Variants in GRIK3 observed in about 807,000 individuals in gnomAD.
The protein encoded by GRIK3 is glutamate ionotropic receptor kainate type subunit 3.
In GRIK3, 29 loss-of-function variants were observed where a neutral mutation model predicts 102.5. That is an observed-to-expected ratio of 0.28 (90% CI 0.21 to 0.39). The LOEUF (loss-of-function observed/expected upper bound fraction) is 0.39, where lower values mean the gene tolerates loss of function less well. Ranked by LOEUF, GRIK3 falls within the 10% of genes least tolerant of loss-of-function variation. The probability of loss-of-function intolerance (pLI) is 1.00; values close to 1 mark genes in which losing one functional copy is unlikely to be tolerated. For missense variants in GRIK3, 908 were observed against 1,252.4 expected (o/e 0.73, Z 4.15); for synonymous variants, 511 against 504.9 (o/e 1.01, Z -0.16).
chr1:36,841,721 C>A lies in GRIK3; in HGVS notation c.1530+15G>T. ...CCAGGGTCCTGAGCCCTCCCATGCT[C>A]CCATCCATGCTTACGTGGTCGATGA... On this transcript the variant is annotated intron_variant, in intron 10 of 15. Transcript: ENST00000373091. 2 of 1,607,168 alleles carry A rather than the reference C, an allele frequency of 1.2e-6. No individual in the cohort carries two copies. The highest frequency in any genetic ancestry group is 1.7e-6 in the Non-Finnish European group (2 of 1,173,620).
chr1:36,936,630 T>C (rs1245304996), intron 1 of GRIK3, among the ~76,000 whole-genome samples: 1 of 152,198 alleles, frequency 6.6e-6, no homozygotes, highest in Non-Finnish European at 1.5e-5. Flanking sequence ...CCCGGCTTTA[T>C]TAAAGCAGTT....
intron 1 of GRIK3, among the ~76,000 whole-genome samples, chr1:36,927,760 C>G (rs1302057237): frequency 6.6e-6 from 1 of 152,064 alleles, no homozygotes; most frequent in Admixed American, 6.5e-5. Context: ...GACCAAAGGT[C>G]GGTAATAGAT....
intron 5 of GRIK3, among the ~76,000 whole-genome samples, chr1:36,862,009 A>C (rs1014739505): frequency 3.3e-5 from 5 of 152,186 alleles, no homozygotes; most frequent in African/African-American, 1.2e-4. Flanking sequence ...CCTGTGAAGT[A>C]GGCATTGAAT....
intron 13 of GRIK3, among the ~76,000 whole-genome samples, chr1:36,812,717 C>T (rs1039087062): frequency 2.0e-5 from 3 of 151,982 alleles, no homozygotes; most frequent in Non-Finnish European, 2.9e-5. Context: ...CTGCTGTTGT[C>T]GTCTTTGGAC....
rs190238992 is a variant in GRIK3 at position 36,880,068 on chromosome 1, A to G, written c.550+566T>C. Among the ~76,000 whole-genome samples, 1 of 152,262 alleles carries G rather than the reference A, an allele frequency of 6.6e-6. No homozygotes were observed. Among genetic ancestry groups the G allele is most frequent in the East Asian group, 1.9e-4 (1 of 5,182 alleles). On this transcript the variant is annotated intron_variant, in intron 3 of 15. Transcript: ENST00000373091. This position sits in a 1 kb window ranked among gnomAD's most constrained non-coding sequence, Gnocchi z 5.4. ...CAACCTTCAGCGCTCACTGCATGTC[A>G]GTGCTTGTCACTGTCATCTTGTAAT...
chr1:36,802,094 C>T, intron 15 of GRIK3, 49 bp from the exon 16 acceptor site: 1 of 1,370,800 alleles, frequency 7.3e-7, no homozygotes, highest in Non-Finnish European at 1.0e-6. Context: ...CAGAGTGATG[C>T]CCGGTCTTGC....
chr1:36,903,250 A>G (rs1641250481), intron 1 of GRIK3, among the ~76,000 whole-genome samples: 1 of 152,224 alleles, frequency 6.6e-6, no homozygotes, highest in Non-Finnish European at 1.5e-5. Context: ...GAGGAAATGT[A>G]AATTAAAACA....
At chr1:36,888,261 A>G (rs1347294016) in intron 2 of GRIK3, among the ~76,000 whole-genome samples, 1 of 152,228 alleles carries the variant, frequency 6.6e-6, no homozygotes, top group East Asian at 1.9e-4. Context: ...CGGATACGAG[A>G]CAAAGCAAAG....
intron 5 of GRIK3, among the ~76,000 whole-genome samples, chr1:36,861,355 A>G (rs923105590): frequency 6.6e-6 from 1 of 151,614 alleles, no homozygotes; most frequent in Non-Finnish European, 1.5e-5. Flanking sequence ...TACTGTCTAT[A>G]CTCTCCCACA....
chr1:36,839,335 C>A (rs548931384), intron 10 of GRIK3, among the ~76,000 whole-genome samples: 12 of 152,268 alleles, frequency 7.9e-5, no homozygotes, highest in Admixed American at 6.5e-4. Context: ...TTACTAATAA[C>A]GGTGACAACA....
At chr1:36,990,512 G>T (rs1642353800) in intron 1 of GRIK3, among the ~76,000 whole-genome samples, 2 of 152,188 alleles carry the variant, frequency 1.3e-5, no homozygotes, top group South Asian at 4.1e-4. Context: ...AGAAGTTCTG[G>T]AAAAGCATTT....
At chr1:37,002,931 G>A (rs948583380) in intron 1 of GRIK3, among the ~76,000 whole-genome samples, 1 of 151,746 alleles carries the variant, frequency 6.6e-6, no homozygotes, top group African/African-American at 2.4e-5. Context: ...GTGAGCCACT[G>A]CACGGCCAAT....
At position 36,796,945 on chromosome 1, in the gene GRIK3, C is replaced by T. The variant is rs1001018728; in HGVS notation, c.*4906G>A. The T allele has an allele frequency of 2.6e-5, 4 of 152,152 alleles. No individual in the cohort carries two copies. Among genetic ancestry groups the T allele is most frequent in the Non-Finnish European group, 4.4e-5 (3 of 68,032 alleles). The allele number at this position is 152,152 out of a possible 1,614,324, so 9.4% of individuals were successfully genotyped here. On this transcript the variant is annotated 3_prime_UTR_variant, in exon 16 of 16. Transcript: ENST00000373091. The stretch of plus-strand genomic sequence containing the variant: ...GGGGCTGAGTACTAGCATGACATTG[C>T]TTCTCAGACACACCCAGCTGTCCTG...
chr1:36,904,982 G>A (rs979671169), intron 1 of GRIK3, among the ~76,000 whole-genome samples: 4 of 152,094 alleles, frequency 2.6e-5, no homozygotes, highest in Admixed American at 2.6e-4. Context: ...TGCTTATTAT[G>A]GTTCTCTTAA....
intron 1 of GRIK3, among the ~76,000 whole-genome samples, chr1:36,992,841 G>A (rs1403764076): frequency 6.6e-6 from 1 of 152,132 alleles, no homozygotes; most frequent in East Asian, 1.9e-4. Context: ...TGGGAAAGCC[G>A]AAGCACAAAA....
intron 10 of GRIK3, among the ~76,000 whole-genome samples, chr1:36,836,004 C>T (rs1640373610): frequency 6.6e-6 from 1 of 152,218 alleles, no homozygotes; most frequent in African/African-American, 2.4e-5. Context: ...GGCAACCTGG[C>T]TGCTCCAACA....
intron 1 of GRIK3, among the ~76,000 whole-genome samples, chr1:36,948,651 T>C (rs1342607026): frequency 6.6e-6 from 1 of 152,154 alleles, no homozygotes; most frequent in African/African-American, 2.4e-5. Context: ...TATGAGCGCA[T>C]GTAGGGCCAT....
At chr1:36,968,075 T>TCCCTGCCCCAA (rs1298320150) in intron 1 of GRIK3, among the ~76,000 whole-genome samples, 9 of 152,090 alleles carry the variant, frequency 5.9e-5, no homozygotes, top group African/African-American at 2.2e-4. Context: ...GGTGGCAGAC[T>TCCCTGCCCCAA]CCCTGCCCCA....
At chr1:36,913,419 C>T (rs201264019) in intron 1 of GRIK3, among the ~76,000 whole-genome samples, 4 of 30,624 alleles carry the variant, frequency 1.3e-4, no homozygotes, top group Non-Finnish European at 3.0e-4. Context: ...CCCTGTTCTG[C>T]GTTTATTACT....
Sources: gnomAD v4.1 joint callset for allele counts (sites outside exome capture counted in the v4.1 genomes callset) on GRCh38, gnomAD v4.1.1 for gene constraint, Gnocchi (gnomAD v3.1) non-coding constraint, MANE v1.5 for transcripts, NCBI Gene and HGNC (gene_info 2026-07-23, HGNC 2026-07-21) for gene names.